CHIC1: variants seen among roughly 807,000 people sequenced by gnomAD.
The protein encoded by CHIC1 is cysteine-rich hydrophobic domain-containing protein 1.
A neutral mutation model predicts 18.5 loss-of-function variants in CHIC1; 7 were observed. The observed-to-expected ratio is 0.38, with a 90% CI of 0.22 to 0.71. The LOEUF (loss-of-function observed/expected upper bound fraction) is 0.71, where lower values mean the gene tolerates loss of function less well. CHIC1 is among the 30% of genes least tolerant of loss of function. The pLI, the probability that CHIC1 is intolerant of heterozygous loss-of-function variation, is 0.49. For missense variants in CHIC1, 159 were observed against 176.9 expected (o/e 0.90, Z 0.57); for synonymous variants, 77 against 73.5 (o/e 1.05, Z -0.25).
In CHIC1 at chrX:73,600,800, A is replaced by G. The variant is rs1379608949; in HGVS notation, c.507+16228A>G. Among the ~76,000 whole-genome samples, 5 of 107,034 alleles carry G rather than the reference A, an allele frequency of 4.7e-5. 1 individual carries two copies. The South Asian group carries it at 1.2e-3, about 25-fold the overall frequency. The allele number at this position is 107,034 out of a possible 115,157, so 92.9% of individuals were successfully genotyped here. On this transcript the variant is annotated intron_variant, in intron 3 of 5. Coordinates refer to ENST00000373502, the MANE Select transcript of CHIC1 (RefSeq NM_001039840.4). ...GGATATTGGTCTAAAAGTGTGCTGT[A>G]TTCAGGAAACCCATCTCACGTGCAG...
intron 3 of CHIC1, among the ~76,000 whole-genome samples, chrX:73,639,462 G>A (rs2057845132): frequency 9.0e-6 from 1 of 111,588 alleles, no homozygotes; most frequent in African/African-American, 3.3e-5. Context: ...TCCCCATTTT[G>A]TACATTGTTT....
At chrX:73,645,247 T>C (rs2057883360) in intron 3 of CHIC1, among the ~76,000 whole-genome samples, 1 of 112,452 alleles carries the variant, frequency 8.9e-6, no homozygotes, top group Non-Finnish European at 1.9e-5. Flanking sequence ...AGAATTTTCT[T>C]TTCTTAATGC....
intron 3 of CHIC1, among the ~76,000 whole-genome samples, chrX:73,659,000 G>C (rs2147616466): frequency 9.0e-6 from 1 of 111,688 alleles, no homozygotes; most frequent in South Asian, 3.8e-4. Context: ...GTGCCATAAA[G>C]AGTCCCAGCA....
rs757645750 is a variant in CHIC1 at position 73,652,866 on chromosome X, A to G, written c.508-26460A>G. 5.1e-4 allele frequency among the ~76,000 whole-genome samples: 57 copies of G among 111,970 alleles called. 1 individual carries two copies. The highest frequency in any genetic ancestry group is 1.8e-3 in the African/African-American group (57 of 30,850). ...ACCAGAAATACCATTTGACCCAGCA[A>G]TTTCATTACTGGATATATACCTGAA... is the stretch of plus-strand genomic sequence containing the variant. On this transcript the variant is annotated intron_variant, in intron 3 of 5. Transcript: ENST00000373502.
intron 3 of CHIC1, among the ~76,000 whole-genome samples, chrX:73,597,617 A>C (rs1251015649): frequency 9.3e-6 from 1 of 107,102 alleles, no homozygotes; most frequent in Non-Finnish European, 1.9e-5. Context: ...ACACACACAC[A>C]CACATATATA....
At chrX:73,662,071 T>A (rs1001809477) in intron 3 of CHIC1, among the ~76,000 whole-genome samples, 1 of 106,896 alleles carries the variant, frequency 9.4e-6, no homozygotes, top group South Asian at 4.0e-4. Flanking sequence ...AATAAATAAA[T>A]AAAAATAAAT....
rs1397147690 is a variant in CHIC1 at position 73,599,300 on chromosome X, G to T, written c.507+14728G>T. Among the ~76,000 whole-genome samples, 3 of 103,621 alleles carry T rather than the reference G, an allele frequency of 2.9e-5. No individual in the cohort carries two copies. The South Asian group carries it at 1.3e-3, about 45-fold the overall frequency. The allele number at this position is 103,621 out of a possible 115,157, so 90.0% of individuals were successfully genotyped here. ...TGTAGGTTACCTGTTCACTCTGATG[G>T]TAGTTTCTTTTGCTGTGCAGAAGCT... is the stretch of plus-strand genomic sequence containing the variant. On this transcript the variant is annotated intron_variant, in intron 3 of 5. Transcript: ENST00000373502.
chrX:73,580,253 T>C (rs974713498), intron 2 of CHIC1, among the ~76,000 whole-genome samples: 1 of 110,950 alleles, frequency 9.0e-6, no homozygotes, highest in African/African-American at 3.3e-5. Flanking sequence ...GCTTTTGGTA[T>C]GCACTCACAC....
At chrX:73,656,318 G>T (rs1174865128) in intron 3 of CHIC1, among the ~76,000 whole-genome samples, 1 of 111,420 alleles carries the variant, frequency 9.0e-6, no homozygotes, top group African/African-American at 3.3e-5. Context: ...GATCCCATTT[G>T]TCAATTTTTG....
chrX:73,589,145 C>T (rs1192644035), intron 3 of CHIC1, among the ~76,000 whole-genome samples: 1 of 109,986 alleles, frequency 9.1e-6, no homozygotes, highest in Admixed American at 9.7e-5. Context: ...GATCATTCTT[C>T]TTTCTTAATG....
chrX:73,672,739 T>G (rs1439154530), intron 3 of CHIC1, among the ~76,000 whole-genome samples: 1 of 112,300 alleles, frequency 8.9e-6, no homozygotes, highest in Middle Eastern at 4.6e-3. Context: ...GATTGTAGTT[T>G]CTTTTGCTGT....
At chrX:73,629,214 A>G (rs1415009303) in intron 3 of CHIC1, among the ~76,000 whole-genome samples, 1 of 110,567 alleles carries the variant, frequency 9.0e-6, no homozygotes, top group Non-Finnish European at 1.9e-5. Context: ...TGTTAACCTC[A>G]TATCAGATAT....
intron 3 of CHIC1, among the ~76,000 whole-genome samples, chrX:73,639,833 A>C (rs1241512888): frequency 1.8e-5 from 2 of 111,303 alleles, no homozygotes; most frequent in African/African-American, 6.5e-5. Context: ...CTCAGCTTGA[A>C]TGTTGTTAGC....
At chrX:73,577,636 A>T (rs1041564304) in intron 2 of CHIC1, among the ~76,000 whole-genome samples, 175 bp downstream of exon 2, 3 of 110,566 alleles carry the variant, frequency 2.7e-5, no homozygotes, top group Non-Finnish European at 3.8e-5. Context: ...CCAGCCTCTG[A>T]CCAGTTATTT....
chrX:73,655,985 C>G (rs2057946931), intron 3 of CHIC1, among the ~76,000 whole-genome samples: 1 of 107,413 alleles, frequency 9.3e-6, no homozygotes, highest in Admixed American at 1.0e-4. Context: ...TGTTTTTTGA[C>G]TTTTTAATAA....
chrX:73,602,950 G>C (rs1290867560), intron 3 of CHIC1, among the ~76,000 whole-genome samples: 9 of 108,794 alleles, frequency 8.3e-5, no homozygotes, highest in Non-Finnish European at 1.3e-4. Context: ...CAGATAGCGT[G>C]ATGCCTCCAG....
chrX:73,656,139 A>G (rs1243273790), intron 3 of CHIC1, among the ~76,000 whole-genome samples: 6 of 111,538 alleles, frequency 5.4e-5, no homozygotes, highest in Non-Finnish European at 1.1e-4. Context: ...TCTTTTGCCC[A>G]CTTTTTAATG....
intron 3 of CHIC1, among the ~76,000 whole-genome samples, chrX:73,668,094 G>T (rs1477593620): frequency 9.0e-6 from 1 of 111,289 alleles, no homozygotes; most frequent in Non-Finnish European, 1.9e-5. Context: ...TGTCTGCCTG[G>T]CTTATTTCAG....
At chrX:73,566,986 A>T (rs1201664675) in intron 1 of CHIC1, among the ~76,000 whole-genome samples, 1 of 111,638 alleles carries the variant, frequency 9.0e-6, no homozygotes, top group African/African-American at 3.3e-5. Context: ...AAGAAAAAAC[A>T]TTTTGCCAGC....
Sources: gnomAD v4.1 joint callset for allele counts (sites outside exome capture counted in the v4.1 genomes callset) on GRCh38, gnomAD v4.1.1 for gene constraint, MANE v1.5 for transcripts, NCBI Gene and HGNC (gene_info 2026-07-23, HGNC 2026-07-21) for gene names.